Variants in SAMD12 observed in about 807,000 individuals in gnomAD.
SAMD12 encodes sterile alpha motif domain containing 12.
In SAMD12, 9 loss-of-function variants were observed where a neutral mutation model predicts 15.0. The ratio of observed to expected loss-of-function variants is 0.60; its 90% CI spans 0.36 to 1.05. The LOEUF is 1.05. SAMD12 is among the 50% of genes least tolerant of loss of function. SAMD12 has a pLI of 0.01. For missense variants in SAMD12, 230 were observed against 234.2 expected (o/e 0.98, Z 0.12); for synonymous variants, 86 against 90.1 (o/e 0.96, Z 0.25).
chr8:118,257,732 G>C (rs973728348), intron 4 of SAMD12, among the ~76,000 whole-genome samples: 1 of 152,154 alleles, frequency 6.6e-6, no homozygotes, highest in Admixed American at 6.6e-5. Context: ...CGAGGGGAAG[G>C]CCTGGCTGGT....
chr8:118,240,699 A>G (rs1375958924), intron 4 of SAMD12, among the ~76,000 whole-genome samples: 1 of 152,148 alleles, frequency 6.6e-6, no homozygotes, highest in African/African-American at 2.4e-5. Context: ...AATATTTAAA[A>G]TACTGATTCT....
intron 2 of SAMD12, among the ~76,000 whole-genome samples, chr8:118,463,794 G>T (rs906836201): frequency 6.6e-6 from 1 of 151,946 alleles, no homozygotes; most frequent in Non-Finnish European, 1.5e-5. Flanking sequence ...GCTTCAGCTG[G>T]GGGGGATCAG....
chr8:118,426,152 T>C (rs1822229280), intron 3 of SAMD12, among the ~76,000 whole-genome samples: 1 of 152,248 alleles, frequency 6.6e-6, no homozygotes, highest in Non-Finnish European at 1.5e-5. Flanking sequence ...TGATTATCAA[T>C]TCACTAATTA....
At chr8:118,283,087 C>T (rs1006171499) in intron 4 of SAMD12, among the ~76,000 whole-genome samples, 1 of 152,032 alleles carries the variant, frequency 6.6e-6, no homozygotes, top group South Asian at 2.1e-4. Flanking sequence ...CTGACCAGGA[C>T]TCACCGAGGA....
chr8:118,574,360 A>T (rs1010774898), intron 2 of SAMD12, among the ~76,000 whole-genome samples: 1 of 152,220 alleles, frequency 6.6e-6, no homozygotes, highest in Non-Finnish European at 1.5e-5. Context: ...AGCACTTGTT[A>T]TTTCCTATAG....
chr8:118,213,126 C>A (rs1811877145), intron 4 of SAMD12, among the ~76,000 whole-genome samples: 1 of 152,150 alleles, frequency 6.6e-6, no homozygotes, highest in South Asian at 2.1e-4. Context: ...GAAATAAAAA[C>A]CATGAATGAT....
chr8:118,415,867 C>T (rs1293098044), intron 3 of SAMD12, among the ~76,000 whole-genome samples: 1 of 152,210 alleles, frequency 6.6e-6, no homozygotes, highest in Non-Finnish European at 1.5e-5. Flanking sequence ...ATGTGCTAAA[C>T]TGAAGAGAGG....
chr8:118,401,315 A>G (rs527292854), intron 3 of SAMD12, among the ~76,000 whole-genome samples: 1 of 152,274 alleles, frequency 6.6e-6, no homozygotes, highest in Non-Finnish European at 1.5e-5. Context: ...TTGTAAAGCA[A>G]TAGTCTTACT....
chr8:118,223,784 C>A (rs1241589735), intron 4 of SAMD12, among the ~76,000 whole-genome samples: 1 of 152,108 alleles, frequency 6.6e-6, no homozygotes, highest in African/African-American at 2.4e-5. Flanking sequence ...AAAAGTAGGG[C>A]AAGATAGAGT....
chr8:118,569,143 A>G (rs944369393), intron 2 of SAMD12, among the ~76,000 whole-genome samples: 2 of 152,232 alleles, frequency 1.3e-5, no homozygotes, highest in African/African-American at 2.4e-5. Context: ...CTAAAAATCC[A>G]AAATCGAAAT....
chr8:118,505,188 A>G (rs887704215), intron 2 of SAMD12, among the ~76,000 whole-genome samples: 5 of 152,170 alleles, frequency 3.3e-5, no homozygotes, highest in African/African-American at 1.2e-4. Context: ...TGGCATCACG[A>G]TGGAATCTGA....
At chr8:118,434,602 C>T (rs1267399783) in intron 3 of SAMD12, among the ~76,000 whole-genome samples, 1 of 152,194 alleles carries the variant, frequency 6.6e-6, no homozygotes, top group Non-Finnish European at 1.5e-5. Flanking sequence ...CTGTGCATAA[C>T]AGAATCTGAA....
chr8:118,337,852 A>G (rs1817159856), intron 4 of SAMD12, among the ~76,000 whole-genome samples: 1 of 152,234 alleles, frequency 6.6e-6, no homozygotes, highest in African/African-American at 2.4e-5. Context: ...AAAGTTCTCA[A>G]CTTAATAAGG....
At chr8:118,347,121 G>C (rs1817706906) in intron 4 of SAMD12, among the ~76,000 whole-genome samples, 1 of 152,180 alleles carries the variant, frequency 6.6e-6, no homozygotes, top group Non-Finnish European at 1.5e-5. Context: ...TAGAGACAGG[G>C]TCTCGCTGTG....
At chr8:118,504,242 T>C (rs1247463527) in intron 2 of SAMD12, among the ~76,000 whole-genome samples, 1 of 152,234 alleles carries the variant, frequency 6.6e-6, no homozygotes, top group African/African-American at 2.4e-5. Context: ...AACTCCTCTC[T>C]GTGACTTCCT....
intron 1 of SAMD12, among the ~76,000 whole-genome samples, chr8:118,599,891 T>C (rs763903331): frequency 1.3e-5 from 2 of 152,058 alleles, no homozygotes; most frequent in Admixed American, 1.3e-4. Flanking sequence ...GGGAAGCCAA[T>C]AGAAGAAACG....
rs552023870 is a variant in SAMD12 at position 118,255,962 on chromosome 8, G to A, written c.434-58230C>T. On this transcript the variant is annotated intron_variant, in intron 4 of 4. Coordinates refer to the SAMD12 transcript ENST00000409003. ...TCCACAATGGTTGAACTAGTTTACA[G>A]TCCCACCAACAGTGTAAAAGTGTTC... Among the ~76,000 whole-genome samples the A allele has an allele frequency of 2.6e-5, 4 of 152,146 alleles. 1 individual carries two copies. The highest frequency in any genetic ancestry group is 9.6e-5 in the African/African-American group (4 of 41,528).
At chr8:118,463,344 G>T (rs1275899912) in intron 2 of SAMD12, among the ~76,000 whole-genome samples, 1 of 152,106 alleles carries the variant, frequency 6.6e-6, no homozygotes, top group East Asian at 1.9e-4. Flanking sequence ...ACTCAGGCAG[G>T]TGTTAGGAGA....
At chr8:118,504,718 C>T (rs1022477029) in intron 2 of SAMD12, among the ~76,000 whole-genome samples, 5 of 152,140 alleles carry the variant, frequency 3.3e-5, no homozygotes, top group African/African-American at 9.7e-5. Flanking sequence ...AGGTTTGAGA[C>T]AGACTAAGGA....
Sources: allele counts gnomAD v4.1 joint callset (sites outside exome capture counted in the v4.1 genomes callset), GRCh38; gene constraint gnomAD v4.1.1; transcripts MANE v1.5; gene names NCBI Gene and HGNC (gene_info 2026-07-23, HGNC 2026-07-21).